The following ASS1 variants were observed in gnomAD, a reference collection of about 807,000 sequenced individuals.
ASS1 encodes the protein argininosuccinate synthase 1.
ASS1 carries 58 observed loss-of-function variants against 60.5 expected under a neutral mutation model. The ratio of observed to expected loss-of-function variants is 0.96; its 90% CI spans 0.78 to 1.19. ASS1 has a LOEUF of 1.19. Among genes scored for constraint, ASS1 ranks in the 50% most tolerant of loss-of-function variants. The pLI is 0.00. For missense variants in ASS1, 454 were observed against 547.3 expected (o/e 0.83, Z 1.70); for synonymous variants, 200 against 206.9 (o/e 0.97, Z 0.29).
At position 130,489,237 on chromosome 9, in the gene ASS1, T is replaced by A; in HGVS notation, c.839-96T>A. 6.7e-7 allele frequency: 1 copy of A among 1,503,128 alleles called. No homozygotes were observed. Among genetic ancestry groups the A allele is most frequent in the Non-Finnish European group, 9.1e-7 (1 of 1,094,074 alleles). The allele number at this position is 1,503,128 out of a possible 1,614,324, so 93.1% of individuals were successfully genotyped here. A position where few individuals can be genotyped will look rare whatever the true frequency, so the allele number is the denominator to read the frequency against. On this transcript the variant is annotated intron_variant, in intron 11 of 14. Transcript: ENST00000352480. This position sits in a 1 kb window ranked among gnomAD's most constrained non-coding sequence, Gnocchi z 4.1. ...TTGTCTCCTGTCAGACGACTCATTA[T>A]TATTATTATTTTTTTTTTTGTCATT...
chr9:130,459,841 C>A lies in ASS1; in HGVS notation c.363+1252C>A, dbSNP rs373243698. Among the ~76,000 whole-genome samples, 2 of 152,342 alleles carry A rather than the reference C, an allele frequency of 1.3e-5. No individual in the cohort carries two copies. The highest frequency in any genetic ancestry group is 6.5e-5 in the Admixed American group (1 of 15,304). On this transcript the variant is annotated intron_variant, in intron 4 of 14. Coordinates refer to ENST00000352480, the MANE Select transcript of ASS1 (RefSeq NM_054012.4). The surrounding 1 kb of genome is among the most constrained non-coding windows in gnomAD (Gnocchi z 4.6). ...GAAACACAAATCAACCCATCCCGTACCCCTTCCCTCCGGGCCGTGTGTCCC... is the reference window on the plus strand; with the variant it reads ...GAAACACAAATCAACCCATCCCGTAACCCTTCCCTCCGGGCCGTGTGTCCC...
intron 14 of ASS1, 56 bp downstream of exon 14, chr9:130,499,626 C>T (rs1846692648): frequency 1.3e-6 from 2 of 1,535,702 alleles, no homozygotes; most frequent in African/African-American, 2.7e-5. Context: ...AAAGGGTAGG[C>T]TTTGAGAGCC....
At chr9:130,458,829 G>A (rs1025417828) in intron 4 of ASS1, among the ~76,000 whole-genome samples, 1 of 152,246 alleles carries the variant, frequency 6.6e-6, no homozygotes. Context: ...TGGGAGCGAT[G>A]TCACCCCATT....
chr9:130,492,961 T>C (rs1220483641), intron 12 of ASS1, among the ~76,000 whole-genome samples: 4 of 152,128 alleles, frequency 2.6e-5, no homozygotes, highest in African/African-American at 9.7e-5. Flanking sequence ...AATTCTGAGA[T>C]AAAGCCCAGG....
chr9:130,495,111 A>G (rs1207490661), intron 13 of ASS1, 88 bp downstream of exon 13: 3 of 1,472,494 alleles, frequency 2.0e-6, no homozygotes, highest in Non-Finnish European at 2.8e-6. Flanking sequence ...GCCTGAGCAC[A>G]TGTCAGGCAC....
At position 130,476,516 on chromosome 9, in the gene ASS1, C is replaced by T. The variant is rs370776876; in HGVS notation, c.598-355C>T. On this transcript the variant is annotated intron_variant, in intron 8 of 14. Coordinates refer to ENST00000352480, the MANE Select transcript of ASS1 (RefSeq NM_054012.4). The surrounding 1 kb of genome is among the most constrained non-coding windows in gnomAD (Gnocchi z 4.9). Reference sequence around the variant, plus strand: ...CCAATCCCGAGCCGGCGAGAGCGTGCGTGCCGCTCCTGGGAAGCCCTCGGA... The same window carrying T: ...CCAATCCCGAGCCGGCGAGAGCGTGTGTGCCGCTCCTGGGAAGCCCTCGGA... 4.5e-4 allele frequency: 191 copies of T among 428,726 alleles called. 2 individuals are homozygous for T. The highest frequency in any genetic ancestry group is 3.7e-3 in the African/African-American group (185 of 49,950). 26.6% of individuals were successfully genotyped at this position (428,726 alleles called of 1,614,324 possible).
chr9:130,484,639 C>T (rs1357942998), intron 11 of ASS1, among the ~76,000 whole-genome samples: 1 of 152,110 alleles, frequency 6.6e-6, no homozygotes, highest in Admixed American at 6.5e-5. Flanking sequence ...TCATTTCCTC[C>T]TTCTCTCTGC....
chr9:130,476,826 AGGGACT>A lies in ASS1; in HGVS notation c.598-42_598-37del, dbSNP rs751152427. On this transcript the variant is annotated intron_variant, in intron 8 of 14. Coordinates refer to ENST00000352480, the MANE Select transcript of ASS1 (RefSeq NM_054012.4). The surrounding 1 kb of genome is among the most constrained non-coding windows in gnomAD (Gnocchi z 4.9). Reference sequence around the variant, plus strand: ...GCGGGAGGTGGGCTGTAGGGTGTCCAGGGACTGGTATGTCATCTGCCCACCACTTTC... The same window carrying A: ...GCGGGAGGTGGGCTGTAGGGTGTCCAGGTATGTCATCTGCCCACCACTTTC... 6.4e-7 allele frequency: 1 copy of A among 1,557,186 alleles called. No individual in the cohort carries two copies. Among genetic ancestry groups the A allele is most frequent in the South Asian group, 1.1e-5 (1 of 89,900 alleles).
At chr9:130,479,143 C>T (rs1006900290) in intron 9 of ASS1, among the ~76,000 whole-genome samples, 4 of 152,076 alleles carry the variant, frequency 2.6e-5, no homozygotes, top group Non-Finnish European at 5.9e-5. Flanking sequence ...CCGGACCCAG[C>T]TCCTCGGATT....
chr9:130,463,489 C>G (rs1048360309), intron 4 of ASS1, among the ~76,000 whole-genome samples: 6 of 152,320 alleles, frequency 3.9e-5, no homozygotes, highest in Admixed American at 2.6e-4. Context: ...GCTTGGGTCC[C>G]GGGCCTGCCC....
chr9:130,487,263 G>A lies in ASS1; in HGVS notation c.839-2070G>A, dbSNP rs114926572. ...TCCTAATGCAAGCTCTGACATTTCC[G>A]TGATTCTAAGACTTAAAGATCAAAG... On this transcript the variant is annotated intron_variant, in intron 11 of 14. Transcript: ENST00000352480. 6.0e-3 allele frequency among the ~76,000 whole-genome samples: 918 copies of A among 152,256 alleles called. 8 individuals are homozygous for A. Among genetic ancestry groups the A allele is most frequent in the African/African-American group, 0.02 (830 of 41,530 alleles).
At chr9:130,451,850 A>AG (rs1845334170) in intron 1 of ASS1, 1 of 474,668 alleles carries the variant, frequency 2.1e-6, no homozygotes, top group African/African-American at 2.0e-5. Context: ...CTCAGAGCCA[A>AG]GGCCCCTCCC....
In ASS1 at chr9:130,491,222, T is replaced by C. The variant is rs928432553; in HGVS notation, c.970+1758T>C. Among the ~76,000 whole-genome samples the C allele has an allele frequency of 6.6e-6, 1 of 152,174 alleles. No homozygotes were observed. The highest frequency in any genetic ancestry group is 1.5e-5 in the Non-Finnish European group (1 of 68,030). ...CAGGTGCTTAAATACCATTGTCTCC[T>C]GCAGGCTTTCCAGCCCGGCGGGATT... is the stretch of plus-strand genomic sequence containing the variant. On this transcript the variant is annotated intron_variant, in intron 12 of 14. Transcript: ENST00000352480. The surrounding 1 kb of genome is among the most constrained non-coding windows in gnomAD (Gnocchi z 5.3).
chr9:130,459,173 T>A lies in ASS1; in HGVS notation c.363+584T>A, dbSNP rs559302709. 1.6e-4 allele frequency among the ~76,000 whole-genome samples: 24 copies of A among 152,314 alleles called. No homozygotes were observed. The highest frequency in any genetic ancestry group is 1.5e-3 in the Admixed American group (23 of 15,306). On this transcript the variant is annotated intron_variant, in intron 4 of 14. Transcript: ENST00000352480. This position sits in a 1 kb window ranked among gnomAD's most constrained non-coding sequence, Gnocchi z 4.6. The stretch of plus-strand genomic sequence containing the variant: ...AGGCCTGAGGTCCATAGTGAGGGCA[T>A]GGGCAGGGCCACGCAGCCTCTGAAG...
At chr9:130,446,886 T>G (rs80087081) in intron 1 of ASS1, among the ~76,000 whole-genome samples, 2,918 of 152,282 alleles carry the variant, frequency 0.019, 94 homozygotes, top group African/African-American at 0.066. Context: ...GGCTCTGATT[T>G]CTGATGTAGC....
At position 130,470,683 on chromosome 9, in the gene ASS1, A is replaced by T. The variant is rs1845845845; in HGVS notation, c.496-151A>T. On this transcript the variant is annotated intron_variant, in intron 6 of 14. Transcript: ENST00000352480. This position sits in a 1 kb window ranked among gnomAD's most constrained non-coding sequence, Gnocchi z 4.3. The stretch of plus-strand genomic sequence containing the variant: ...GTCCAGCAATAGGGTCCCCCCAGGG[A>T]GGTGACCGTGACCAACACTAGGAGG... The T allele has an allele frequency of 1.3e-6, 1 of 795,116 alleles. No individual in the cohort carries two copies. The highest frequency in any genetic ancestry group is 2.2e-6 in the Non-Finnish European group (1 of 448,392). The allele number at this position is 795,116 out of a possible 1,614,324, so 49.3% of individuals were successfully genotyped here. A position where few individuals can be genotyped will look rare whatever the true frequency, so the allele number is the denominator to read the frequency against.
In ASS1 at chr9:130,470,844, T is replaced by A; in HGVS notation, c.506T>A (p.Ile169Asn). ...GTCTCTTTCCTGCAGCAACACGGGA[T>A]TCCCATCCCGGTCACTCCCAAGAAC... ...DLMEYAKQHG[I>N]PIPVTPKNPW... Residue 169 changes from isoleucine (I) to asparagine (N), a missense_variant, in exon 7 of 15, where the codon ATT (isoleucine) becomes AAT (asparagine). Physicochemically the swap from Ile to Asn is moderately radical, Grantham distance 149 (BLOSUM62 -3). Transcript: ENST00000352480. This position sits in a 1 kb window ranked among gnomAD's most constrained non-coding sequence, Gnocchi z 4.3. 1 of 1,614,052 alleles carries A rather than the reference T, an allele frequency of 6.2e-7. No homozygotes were observed. Among genetic ancestry groups the A allele is most frequent in the East Asian group, 2.2e-5 (1 of 44,874 alleles).
intron 1 of ASS1, 85 bp from the exon 2 acceptor site, chr9:130,452,139 A>C: frequency 8.3e-7 from 1 of 1,199,150 alleles, no homozygotes; most frequent in Non-Finnish European, 1.2e-6. Context: ...TCCAAGGCCA[A>C]GGTCGGGGCT....
intron 12 of ASS1, among the ~76,000 whole-genome samples, chr9:130,490,962 A>T (rs1461229619): frequency 6.6e-6 from 1 of 152,220 alleles, no homozygotes. Flanking sequence ...CCTGGACGTC[A>T]GGGGACCTGT....
Sources: gnomAD v4.1 joint callset for allele counts (sites outside exome capture counted in the v4.1 genomes callset) on GRCh38, gnomAD v4.1.1 for gene constraint, Gnocchi (gnomAD v3.1) non-coding constraint, MANE v1.5 for transcripts, NCBI Gene and HGNC (gene_info 2026-07-23, HGNC 2026-07-21) for gene names.